CAPRIN1: variants seen among roughly 807,000 people sequenced by gnomAD.
CAPRIN1 encodes the protein caprin-1.
CAPRIN1 carries 29 observed loss-of-function variants against 100.9 expected under a neutral mutation model. That is an observed-to-expected ratio of 0.29 (90% confidence interval 0.21 to 0.39). CAPRIN1 has a LOEUF of 0.39. CAPRIN1 is among the 10% of genes least tolerant of loss of function. The pLI, the probability that CAPRIN1 is intolerant of heterozygous loss-of-function variation, is 1.00. For synonymous variants in CAPRIN1, 338 were observed against 307.5 expected (o/e 1.10, Z -1.04); for missense variants, 795 against 876.7 (o/e 0.91, Z 1.18).
intron 11 of CAPRIN1, among the ~76,000 whole-genome samples, chr11:34,088,187 T>C (rs1057005672): frequency 3.9e-4 from 59 of 152,154 alleles, no homozygotes; most frequent in African/African-American, 1.3e-3. Context: ...GTATTTTAAG[T>C]AGAGATGGGG....
chr11:34,060,490 C>CAA (rs1850555487), intron 2 of CAPRIN1, among the ~76,000 whole-genome samples: 1 of 152,114 alleles, frequency 6.6e-6, no homozygotes, highest in Admixed American at 6.6e-5. Flanking sequence ...CAGGGTTGAC[C>CAA]CACTGTGCCT....
At chr11:34,097,321 A>G (rs1178926573) in intron 17 of CAPRIN1, 25 bp downstream of exon 17, 2 of 1,489,386 alleles carry the variant, frequency 1.3e-6, no homozygotes, top group African/African-American at 1.4e-5. Context: ...TCTAAAGTGT[A>G]AACCTGAACT....
At position 34,097,250 on chromosome 11, in the gene CAPRIN1, C is replaced by T. The variant is rs1419145733; in HGVS notation, c.1955C>T (p.Thr652Ile). The T allele has an allele frequency of 6.2e-7, 1 of 1,613,974 alleles. No homozygotes were observed. The highest frequency in any genetic ancestry group is 8.5e-7 in the Non-Finnish European group (1 of 1,179,862). ...TCTAACACTCCAAACAGTGGTTATA[C>T]ACAGTCTCAGTTCAGTGCTCCCCGG... ...SFSNTPNSGYTQSQFSAPRDY... is the reference protein window; with the variant it reads ...SFSNTPNSGYIQSQFSAPRDY... The change falls in exon 17 of 19, where the codon ACA becomes ATA. Residue 652 changes from threonine to isoleucine, a missense_variant. Transcript: ENST00000341394.
rs114656365 is a variant in CAPRIN1, at chr11:34,056,255, C to A, written c.216+3619C>A. ...ATGCTTTTTTTATGGATTTTAAAAT[C>A]AAATATCCTGGCAAAAATGACTATG... On this transcript the variant is annotated intron_variant, in intron 2 of 18. Coordinates refer to ENST00000341394, the MANE Select transcript of CAPRIN1 (RefSeq NM_005898.5). Among the ~76,000 whole-genome samples the A allele has an allele frequency of 2.6e-3, 401 of 152,110 alleles. 4 individuals are homozygous for A. The highest frequency in any genetic ancestry group is 9.4e-3 in the African/African-American group (388 of 41,480).
intron 2 of CAPRIN1, chr11:34,052,867 C>T: frequency 1.4e-6 from 2 of 1,414,250 alleles, no homozygotes; most frequent in Non-Finnish European, 1.8e-6. Flanking sequence ...GCACTGTACC[C>T]CAGGCCTCTT....
In CAPRIN1 at chr11:34,097,293, A is replaced by G. The variant is rs192533953; in HGVS notation, c.1998A>G (p.Gln666=). ...FSAPRDYSGY[Q]RDGYQQNFKR... is the part of the protein sequence containing the mutation. ...CTCCCCGGGATTACTCTGGCTATCA[A>G]CGGGTAGGTAAAGTAGTTCTAAAGT... Residue 666 remains glutamine, a synonymous_variant, in exon 17 of 19, where the codon CAA becomes CAG. Transcript: ENST00000341394. 53 of 1,603,066 alleles carry G rather than the reference A, an allele frequency of 3.3e-5. No individual in the cohort carries two copies. The East Asian group carries it at 7.4e-4, about 22-fold the overall frequency.
chr11:34,067,157 T>A (rs1850715364), intron 2 of CAPRIN1, among the ~76,000 whole-genome samples: 1 of 152,174 alleles, frequency 6.6e-6, no homozygotes, highest in Non-Finnish European at 1.5e-5. Flanking sequence ...CTTGAACTCC[T>A]GACCTCAAGT....
rs1032788837 is a variant in CAPRIN1, at chr11:34,071,226, G to A, written c.217-500G>A. 2.0e-5 allele frequency among the ~76,000 whole-genome samples: 3 copies of A among 152,162 alleles called. No individual in the cohort carries two copies. In the East Asian group the frequency reaches 5.8e-4, roughly 29 times the overall value. ...TGTTGTGCCATTGGTTTACAGTACA[G>A]CCTTTGATATCATTCAGCAATGGTT... On this transcript the variant is annotated intron_variant, in intron 2 of 18. Coordinates refer to ENST00000341394, the MANE Select transcript of CAPRIN1 (RefSeq NM_005898.5).
chr11:34,057,170 T>C (rs1850469037), intron 2 of CAPRIN1, among the ~76,000 whole-genome samples: 1 of 152,226 alleles, frequency 6.6e-6, no homozygotes, highest in African/African-American at 2.4e-5. Context: ...ATTTAAGATC[T>C]CTTGATGTGT....
chr11:34,102,324 C>G lies in CAPRIN1; in HGVS notation c.*2957C>G, dbSNP rs370809214. ...GAGGAAGTGGAATGCAGATAAGTGC[C>G]GAATTCAAACCCTTCATTTTATGTT... On this transcript the variant is annotated 3_prime_UTR_variant, in exon 19 of 19. Coordinates refer to ENST00000341394, the MANE Select transcript of CAPRIN1 (RefSeq NM_005898.5). Among the ~76,000 whole-genome samples, 1 of 152,078 alleles carries G rather than the reference C, an allele frequency of 6.6e-6. No homozygotes were observed. The highest frequency in any genetic ancestry group is 1.9e-4 in the East Asian group (1 of 5,190).
chr11:34,071,330 G>A (rs1162690045), intron 2 of CAPRIN1, among the ~76,000 whole-genome samples: 3 of 152,122 alleles, frequency 2.0e-5, no homozygotes, highest in African/African-American at 2.4e-5. Context: ...TGGGGAGGCC[G>A]AGGCAGGTGG....
intron 2 of CAPRIN1, among the ~76,000 whole-genome samples, chr11:34,067,577 C>T (rs1218468707): frequency 6.6e-6 from 1 of 151,928 alleles, no homozygotes; most frequent in Non-Finnish European, 1.5e-5. Flanking sequence ...TCACGACTTC[C>T]GACTTGTGGT....
intron 1 of CAPRIN1, 120 bp from the exon 2 acceptor site, chr11:34,052,301 C>CCCGCTCGCGTAGGCTA (rs1850332610): frequency 5.8e-6 from 5 of 859,812 alleles, no homozygotes; most frequent in Non-Finnish European, 9.1e-6. Context: ...CCCTCCCCCA[C>CCCGCTCGCGTAGGCTA]CCGCTCGCGT....
chr11:34,096,771 C>A, intron 16 of CAPRIN1, 98 bp downstream of exon 16: 1 of 792,110 alleles, frequency 1.3e-6, no homozygotes, highest in Non-Finnish European at 2.0e-6. Flanking sequence ...AAGGATGTAT[C>A]TGCATTAGCC....
chr11:34,055,034 A>T (rs1346278816), intron 2 of CAPRIN1, among the ~76,000 whole-genome samples: 1 of 152,190 alleles, frequency 6.6e-6, no homozygotes. Context: ...TTCTGAAAAA[A>T]AAATATAAAT....
intron 9 of CAPRIN1, among the ~76,000 whole-genome samples, chr11:34,084,045 G>C (rs1042631007): frequency 2.0e-5 from 3 of 152,050 alleles, no homozygotes; most frequent in Admixed American, 2.0e-4. Context: ...TTCCAACCTG[G>C]TTGACAGAGA....
intron 2 of CAPRIN1, among the ~76,000 whole-genome samples, chr11:34,061,821 A>G (rs1850583940): frequency 3.3e-5 from 5 of 151,958 alleles, no homozygotes; most frequent in Admixed American, 1.3e-4. Flanking sequence ...AAATACAAAA[A>G]TTAGCCGTGC....
intron 9 of CAPRIN1, among the ~76,000 whole-genome samples, chr11:34,083,654 G>T (rs1851076385): frequency 6.6e-6 from 1 of 152,164 alleles, no homozygotes; most frequent in Non-Finnish European, 1.5e-5. Context: ...TTACCAACTG[G>T]TCCTGGCCTT....
In CAPRIN1 at chr11:34,052,509, C is replaced by G. The variant is rs888952153; in HGVS notation, c.89C>G (p.Ala30Gly). ...GGTTCCTCCGGGAGTGAGGCGGCCG[C>G]GGGAGCCGGGGCCGCCGCGCCGGCT... is the stretch of plus-strand genomic sequence containing the variant. The part of the protein sequence containing the change: ...PSGSSGSEAA[A>G]GAGAAAPASQ... The change falls in exon 2 of 19, where the codon GCG becomes GGG. Residue 30 changes from alanine (A) to glycine (G), a missense_variant. Ala to Gly is a moderately conservative substitution (Grantham distance 60). Around this residue, in one of 3 missense-constraint regions of CAPRIN1, gnomAD observed 109 missense variants for 86.6 expected, o/e 1.26. Transcript: ENST00000341394. The G allele has an allele frequency of 1.3e-6, 2 of 1,593,958 alleles. No homozygotes were observed. The highest frequency in any genetic ancestry group is 1.7e-6 in the Non-Finnish European group (2 of 1,170,402).
Sources: gnomAD v4.1 joint callset for allele counts (sites outside exome capture counted in the v4.1 genomes callset) on GRCh38, gnomAD v4.1.1 for gene constraint, gnomAD v4.1.1 regional missense constraint, MANE v1.5 for transcripts, NCBI Gene and HGNC (gene_info 2026-07-23, HGNC 2026-07-21) for gene names.